Variants in LEO1 observed in about 807,000 individuals in gnomAD.
LEO1 encodes the protein LEO1 component of Paf1/RNA polymerase II complex.
Under a neutral mutation model 80.4 loss-of-function variants are expected in LEO1, and 34 were observed. The observed-to-expected ratio is 0.42, with a 90% confidence interval of 0.32 to 0.56. The LOEUF (loss-of-function observed/expected upper bound fraction) is 0.56, where lower values mean the gene tolerates loss of function less well. LEO1 is among the 20% of genes least tolerant of loss of function. The probability of loss-of-function intolerance (pLI) is 0.10; values close to 1 mark genes in which losing one functional copy is unlikely to be tolerated. For missense variants in LEO1, 631 were observed against 814.2 expected, an observed-to-expected ratio of 0.77 and a Z score of 2.74; for synonymous variants, 262 against 274.9, an observed-to-expected ratio of 0.95 and a Z score of 0.46.
intron 6 of LEO1, among the ~76,000 whole-genome samples, chr15:51,955,795 T>G (rs1343252687): frequency 2.0e-5 from 3 of 152,150 alleles, no homozygotes; most frequent in Non-Finnish European, 4.4e-5. Context: ...GTCCTAATGA[T>G]TCCCCCTTCC....
intron 2 of LEO1, among the ~76,000 whole-genome samples, chr15:51,963,564 G>A (rs939257718): frequency 6.6e-6 from 1 of 152,090 alleles, no homozygotes; most frequent in Non-Finnish European, 1.5e-5. Context: ...TATTTGGGAT[G>A]TAGTACATGA....
At chr15:51,940,864 G>T in intron 11 of LEO1, among the ~76,000 whole-genome samples, 1 of 152,150 alleles carries the variant, frequency 6.6e-6, no homozygotes, top group East Asian at 1.9e-4. Flanking sequence ...TTGGGAGGCT[G>T]AGGCGGGCAG....
At chr15:51,962,005 T>C (rs897586116) in intron 3 of LEO1, among the ~76,000 whole-genome samples, 1 of 151,564 alleles carries the variant, frequency 6.6e-6, no homozygotes, top group African/African-American at 2.4e-5. Context: ...CTACTAAAAA[T>C]ACAAAAAATT....
chr15:51,949,791 T>C lies in LEO1; in HGVS notation c.1798+17A>G. Reference sequence around the variant, plus strand: ...GAATCCCGAAATGATGAAATGTAATTTCCATACACGACTCACCTCGAATGC... The same window carrying C: ...GAATCCCGAAATGATGAAATGTAATCTCCATACACGACTCACCTCGAATGC... On this transcript the variant is annotated intron_variant, in intron 10 of 11. Transcript: ENST00000299601. 1 of 1,605,020 alleles carries C rather than the reference T, an allele frequency of 6.2e-7. No homozygotes were observed. Among genetic ancestry groups the C allele is most frequent in the Non-Finnish European group, 8.5e-7 (1 of 1,174,704 alleles).
chr15:51,967,815 G>A (rs2057090002), intron 1 of LEO1, among the ~76,000 whole-genome samples: 1 of 152,212 alleles, frequency 6.6e-6, no homozygotes, highest in Admixed American at 6.5e-5. Context: ...CAAAAACTAA[G>A]ACGATATGGA....
chr15:51,938,180 A>T lies in LEO1; in HGVS notation c.1977T>A (p.Asp659Glu). The T allele has an allele frequency of 1.3e-6, 2 of 1,596,062 alleles. No homozygotes were observed. The highest frequency in any genetic ancestry group is 2.7e-5 in the African/African-American group (2 of 74,752). The change falls in exon 12 of 12, where the codon GAT becomes GAA. Residue 659 changes from aspartate (D) to glutamate (E), a missense_variant. By Grantham distance (45) the Asp-to-Glu change is conservative (BLOSUM62 2). Around this residue, in one of 4 missense-constraint regions of LEO1, gnomAD observed 117 missense variants for 163.5 expected, o/e 0.72. Coordinates refer to ENST00000299601, the MANE Select transcript of LEO1 (RefSeq NM_138792.4). ...TTCAATCATCATCTTCTTCCTCTTC[A>T]TCGCTGATCACATACTTCTTATGCT... Reference protein sequence around the residue: ...NKKHKKYVISDEEEEDDD With the variant: ...NKKHKKYVISEEEEEDDD
chr15:51,942,629 A>C (rs1311245817), intron 11 of LEO1, among the ~76,000 whole-genome samples: 4 of 152,130 alleles, frequency 2.6e-5, no homozygotes, highest in African/African-American at 4.8e-5. Context: ...CAGAACAATG[A>C]AACAAATTTT....
intron 9 of LEO1, 55 bp downstream of exon 9, chr15:51,951,789 A>G: frequency 6.6e-7 from 1 of 1,512,618 alleles, no homozygotes; most frequent in Non-Finnish European, 9.1e-7. Flanking sequence ...TTTGGGAAAT[A>G]CTTGCCTAAT....
chr15:51,963,719 T>C (rs1009117681), intron 2 of LEO1, among the ~76,000 whole-genome samples: 22 of 149,194 alleles, frequency 1.5e-4, no homozygotes, highest in African/African-American at 5.2e-4. Flanking sequence ...CAGGCCAACA[T>C]GGGGAAACTT....
chr15:51,947,516 G>C (rs762225812), intron 10 of LEO1, 127 bp from the exon 11 acceptor site: 79 of 642,620 alleles, frequency 1.2e-4, no homozygotes, highest in Non-Finnish European at 2.0e-4. Context: ...CCTGGGCTTA[G>C]GTGATCCTCC....
In LEO1 at chr15:51,960,707, C is replaced by G; in HGVS notation, c.946G>C (p.Gly316Arg). The G allele has an allele frequency of 6.2e-7, 1 of 1,608,804 alleles. No homozygotes were observed. The highest frequency in any genetic ancestry group is 8.5e-7 in the Non-Finnish European group (1 of 1,175,118). Residue 316 changes from glycine (G) to arginine (R), a missense_variant, in exon 4 of 12, where the codon GGA becomes CGA. Coordinates refer to ENST00000299601, the MANE Select transcript of LEO1 (RefSeq NM_138792.4). ...CCTGAAGAGATATCATCTGCACCTC[C>G]AAATAAATCCATGGTTCCACTATTA... ...KDNSGTMDLF[G>R]GADDISSGSD...
chr15:51,961,838 A>G (rs2057033436), intron 3 of LEO1, among the ~76,000 whole-genome samples: 1 of 151,758 alleles, frequency 6.6e-6, no homozygotes, highest in Admixed American at 6.6e-5. Context: ...TCCCAATAAG[A>G]AGGTCAGCCC....
At chr15:51,953,394 A>G in intron 7 of LEO1, 131 bp from the exon 8 acceptor site, 1 of 833,380 alleles carries the variant, frequency 1.2e-6, no homozygotes, top group Non-Finnish European at 1.8e-6. Flanking sequence ...ACACCAAGGC[A>G]GGTGGATCAC....
Position 51,948,154 on chromosome 15 carries a change from C to T in LEO1, c.1799-765G>A, listed in dbSNP as rs1172964880. Among the ~76,000 whole-genome samples the T allele has an allele frequency of 2.6e-5, 4 of 152,144 alleles. No homozygotes were observed. The East Asian group carries it at 7.7e-4, about 29-fold the overall frequency. On this transcript the variant is annotated intron_variant, in intron 10 of 11. Transcript: ENST00000299601. ...GCCCATCTGCTCCACTGCCCAAGCC[C>T]AGGTGAACCTCTGGGTGGAATAAGA... is the stretch of plus-strand genomic sequence containing the variant.
chr15:51,952,060 G>A, intron 8 of LEO1, 81 bp from the exon 9 acceptor site: 5 of 1,269,750 alleles, frequency 3.9e-6, no homozygotes, highest in East Asian at 2.5e-5. Flanking sequence ...ACAGAAGTAA[G>A]AGCCCAGTGA....
chr15:51,942,634 A>G (rs2056862814), intron 11 of LEO1, among the ~76,000 whole-genome samples: 1 of 152,084 alleles, frequency 6.6e-6, no homozygotes, highest in Admixed American at 6.6e-5. Context: ...CAATGAAACA[A>G]ATTTTGGCCA....
intron 1 of LEO1, among the ~76,000 whole-genome samples, chr15:51,971,055 T>C (rs2057118891): frequency 6.6e-6 from 1 of 152,170 alleles, no homozygotes; most frequent in Non-Finnish European, 1.5e-5. Context: ...AAATCCTTCA[T>C]TCCTCCTCTC....
At position 51,951,966 on chromosome 15, in the gene LEO1, C is replaced by A; in HGVS notation, c.1489G>T (p.Asp497Tyr). The change falls in exon 9 of 12, where the codon GAC (aspartate) becomes TAC (tyrosine). Residue 497 changes from aspartate to tyrosine, a missense_variant. This residue lies in a region of LEO1 where 25 missense variants were observed against 83.5 expected (regional missense o/e 0.30). Transcript: ENST00000299601. ...GTCATCTTTCTATGTGTGGCACTGT[C>A]CGTAGAGTGAGGTCTGCCAGGAAAT... ...TKLTFRPHST[D>Y]SATHRKMTLS... 6.2e-7 allele frequency: 1 copy of A among 1,613,046 alleles called. No individual in the cohort carries two copies. Among genetic ancestry groups the A allele is most frequent in the Non-Finnish European group, 8.5e-7 (1 of 1,179,378 alleles).
chr15:51,960,044 C>T lies in LEO1; in HGVS notation c.1015G>A (p.Asp339Asn). 6.2e-7 allele frequency: 1 copy of T among 1,609,278 alleles called. No individual in the cohort carries two copies. Among genetic ancestry groups the T allele is most frequent in the Non-Finnish European group, 8.5e-7 (1 of 1,178,742 alleles). The change falls in exon 5 of 12, where the codon GAT becomes AAT. Residue 339 changes from aspartate to asparagine, a missense_variant and splice_region_variant. By Grantham distance (23) the Asp-to-Asn change is conservative. Transcript: ENST00000299601. ...TGATCCTGAGGCAATCCATTTTCAT[C>T]CTAGTGAAAGAATCGGAAGTTTGGA... The part of the protein sequence containing the change: ...DKPPTPGQPV[D>N]ENGLPQDQQE...
Sources: gnomAD v4.1 joint callset for allele counts (sites outside exome capture counted in the v4.1 genomes callset) on GRCh38, gnomAD v4.1.1 for gene constraint, gnomAD v4.1.1 regional missense constraint, MANE v1.5 for transcripts, NCBI Gene and HGNC (gene_info 2026-07-23, HGNC 2026-07-21) for gene names.